The following PWWP2A variants were observed in gnomAD, a reference collection of about 807,000 sequenced individuals.
PWWP2A encodes the protein PWWP domain-containing protein 2A.
PWWP2A carries 18 observed loss-of-function variants against 48.5 expected under a neutral mutation model. The ratio of observed to expected loss-of-function variants is 0.37; its 90% CI spans 0.26 to 0.55. PWWP2A has a LOEUF of 0.55. PWWP2A is among the 20% of genes least tolerant of loss of function. The pLI, the probability that PWWP2A is intolerant of heterozygous loss-of-function variation, is 0.81. For missense variants in PWWP2A, 867 were observed against 976.4 expected (o/e 0.89, Z 1.49); for synonymous variants, 396 against 387.7 (o/e 1.02, Z -0.25).
intron 1 of PWWP2A, among the ~76,000 whole-genome samples, chr5:160,106,794 T>C (rs1444704424): frequency 4.0e-5 from 6 of 151,806 alleles, no homozygotes; most frequent in Non-Finnish European, 7.4e-5. Flanking sequence ...TTTGTAATTA[T>C]GTCTCATTGT....
chr5:160,078,543 A>G lies in PWWP2A; in HGVS notation c.1670-375T>C, dbSNP rs1754010851. Among the ~76,000 whole-genome samples the G allele has an allele frequency of 2.0e-5, 3 of 152,192 alleles. 1 individual carries two copies. The highest frequency in any genetic ancestry group is 2.0e-4 in the Admixed American group (3 of 15,280). ...TTCACAGTACAGTGCTCTGAGAGTC[A>G]GCTTAGTTGCTGGGGACTGCTATGA... On this transcript the variant is annotated intron_variant, in intron 3 of 3. Coordinates refer to the PWWP2A transcript ENST00000456329. This position sits in a 1 kb window ranked among gnomAD's most constrained non-coding sequence, Gnocchi z 4.2.
chr5:160,064,287 C>T lies in PWWP2A; in HGVS notation c.*237-614G>A, dbSNP rs144662862. ...CCCATCCTATATACCTCACCCAAGT[C>T]GTGTAAATAAAGCCTGAAACTTGGG... is the stretch of plus-strand genomic sequence containing the variant. On this transcript the variant is annotated intron_variant and NMD_transcript_variant, in intron 4 of 5. Coordinates refer to the PWWP2A transcript ENST00000524050. Among the ~76,000 whole-genome samples, 121 of 152,198 alleles carry T rather than the reference C, an allele frequency of 8.0e-4. 2 individuals are homozygous for T. The highest frequency in any genetic ancestry group is 2.9e-3 in the African/African-American group (119 of 41,522).
chr5:160,090,701 G>C (rs984382315), downstream of PWWP2A: 2 of 918,394 alleles, frequency 2.2e-6, no homozygotes, highest in Non-Finnish European at 2.6e-6. Context: ...TTCATTATGA[G>C]TTCCATAGTA....
intron 1 of PWWP2A, among the ~76,000 whole-genome samples, chr5:160,103,262 C>A (rs1756500381): frequency 6.6e-6 from 1 of 152,222 alleles, no homozygotes; most frequent in Middle Eastern, 3.4e-3. Context: ...AGCATGAATT[C>A]AGTTTACTTA....
At chr5:160,061,096 A>G (rs1753374831), downstream of PWWP2A, among the ~76,000 whole-genome samples, 1 of 152,202 alleles carries the variant, frequency 6.6e-6, no homozygotes, top group Non-Finnish European at 1.5e-5. Context: ...GGCCTGGCTC[A>G]GGACAGCCTG....
At chr5:160,086,584 G>T (rs548024513), downstream of PWWP2A, among the ~76,000 whole-genome samples, 1 of 149,822 alleles carries the variant, frequency 6.7e-6, no homozygotes, top group African/African-American at 2.5e-5. Context: ...TTTGCTATTG[G>T]TGTGTTTTTA....
At chr5:160,118,710 C>A in intron 1 of PWWP2A, 95 bp downstream of exon 1, 2 of 1,224,212 alleles carry the variant, frequency 1.6e-6, no homozygotes, top group African/African-American at 1.6e-5. Flanking sequence ...CCCCGGGCAG[C>A]GGGGAAGCGA....
At chr5:160,082,590 G>A (rs999722997) in intron 2 of PWWP2A, among the ~76,000 whole-genome samples, 2 of 152,140 alleles carry the variant, frequency 1.3e-5, no homozygotes, top group African/African-American at 4.8e-5. Flanking sequence ...ATGTTTCCCT[G>A]TGCAATTCCT....
downstream of PWWP2A, chr5:160,090,385 C>T (rs1444226023): frequency 2.0e-6 from 2 of 983,298 alleles, no homozygotes; most frequent in Non-Finnish European, 2.4e-6. Flanking sequence ...TTAAAAACAC[C>T]TGATTGAACA....
intron 1 of PWWP2A, among the ~76,000 whole-genome samples, chr5:160,110,518 C>T (rs146189851): frequency 0.04 from 6,019 of 151,838 alleles, 146 homozygotes; most frequent in East Asian, 0.1. Flanking sequence ...ACCAGCCTGA[C>T]CTACATGGAG....
At chr5:160,081,984 C>A (rs1177846645) in intron 2 of PWWP2A, among the ~76,000 whole-genome samples, 3 of 152,028 alleles carry the variant, frequency 2.0e-5, no homozygotes, top group African/African-American at 2.4e-5. Flanking sequence ...TTTGTATACA[C>A]CTGATCTAGA....
chr5:160,104,131 A>AAAAAAAAAG (rs1163060389), intron 1 of PWWP2A, among the ~76,000 whole-genome samples: 1 of 150,222 alleles, frequency 6.7e-6, no homozygotes, highest in South Asian at 2.1e-4. Context: ...TCAAAAAAAA[A>AAAAAAAAAG]AAAAAAAAAG....
downstream of PWWP2A, among the ~76,000 whole-genome samples, chr5:160,088,883 C>T (rs912448543): frequency 3.9e-5 from 6 of 152,096 alleles, no homozygotes; most frequent in African/African-American, 1.4e-4. Context: ...GACTTGTGAC[C>T]TTTTAAACAT....
intron 1 of PWWP2A, among the ~76,000 whole-genome samples, chr5:160,109,600 G>C (rs1226279960): frequency 6.6e-6 from 1 of 151,038 alleles, no homozygotes; most frequent in African/African-American, 2.4e-5. Context: ...CTAAAAGTTT[G>C]CCAGCAGGTA....
chr5:160,048,395 C>T, the PWWP2A span, among the ~76,000 whole-genome samples: 1 of 152,010 alleles, frequency 6.6e-6, no homozygotes, highest in African/African-American at 2.4e-5. Flanking sequence ...CCCCAATTGA[C>T]CTGCCTGCCT....
downstream of PWWP2A, chr5:160,091,096 G>A (rs139494661): frequency 3.7e-5 from 36 of 984,364 alleles, no homozygotes; most frequent in African/African-American, 5.9e-4. Context: ...TGAGAAATTG[G>A]CAGGAAGGGG....
chr5:160,061,070 GA>G (rs1324179935), downstream of PWWP2A, among the ~76,000 whole-genome samples: 1 of 152,220 alleles, frequency 6.6e-6, no homozygotes, highest in Admixed American at 6.5e-5. Flanking sequence ...TGTGGCACGG[GA>G]ACCGTAGGCT....
chr5:160,106,489 T>TA, intron 1 of PWWP2A, among the ~76,000 whole-genome samples: 1 of 151,402 alleles, frequency 6.6e-6, no homozygotes, highest in African/African-American at 2.5e-5. Flanking sequence ...CCTTCTTAGA[T>TA]TAAATATGCA....
intron 3 of PWWP2A, among the ~76,000 whole-genome samples, chr5:160,079,550 A>G (rs1754082256): frequency 6.6e-6 from 1 of 152,240 alleles, no homozygotes; most frequent in African/African-American, 2.4e-5. Flanking sequence ...ATTAAGGCTC[A>G]CACAGAACTT....
Sources: allele counts gnomAD v4.1 joint callset (sites outside exome capture counted in the v4.1 genomes callset), GRCh38; gene constraint gnomAD v4.1.1; non-coding constraint Gnocchi (gnomAD v3.1); transcripts MANE v1.5; gene names NCBI Gene and HGNC (gene_info 2026-07-23, HGNC 2026-07-21).